Variants in TNFRSF10B observed in about 807,000 individuals in gnomAD.
The protein encoded by TNFRSF10B is tumor necrosis factor receptor superfamily member 10B.
A neutral mutation model predicts 41.4 loss-of-function variants in TNFRSF10B; 35 were observed. That is an observed-to-expected ratio of 0.85 (90% CI 0.65 to 1.12). The LOEUF is 1.12. TNFRSF10B is among the 50% of genes most tolerant of loss of function. The probability of loss-of-function intolerance (pLI) is 0.00; values close to 1 mark genes in which losing one functional copy is unlikely to be tolerated. For synonymous variants in TNFRSF10B, 230 were observed against 215.5 expected, an observed-to-expected ratio of 1.07 and a Z score of -0.59; for missense variants, 584 against 552.7, an observed-to-expected ratio of 1.06 and a Z score of -0.57.
At position 23,028,275 on chromosome 8, in the gene TNFRSF10B, GT is replaced by G. The variant is rs536823184; in HGVS notation, c.748+55del. 6.5e-4 allele frequency: 1,052 copies of G among 1,611,148 alleles called. 6 individuals are homozygous for G. In the African/African-American group the frequency reaches 0.012, roughly 19 times the overall value. ...AGGCGTTTCTGTCTGTGGGAATAGG[GT>G]GGGAGGGGGCAGGGCAGAGAGTGCC... On this transcript the variant is annotated intron_variant, in intron 5 of 8. Coordinates refer to ENST00000276431, the MANE Select transcript of TNFRSF10B (RefSeq NM_003842.5).
intron 1 of TNFRSF10B, among the ~76,000 whole-genome samples, chr8:23,045,987 C>T (rs531464038): frequency 6.6e-6 from 1 of 152,318 alleles, no homozygotes; most frequent in South Asian, 2.1e-4. Context: ...TCATACTCAG[C>T]AGTGAAAAGC....
chr8:23,038,922 A>G (rs1056909326), intron 2 of TNFRSF10B, among the ~76,000 whole-genome samples: 4 of 152,110 alleles, frequency 2.6e-5, no homozygotes, highest in African/African-American at 4.8e-5. Flanking sequence ...TGATTCAAGC[A>G]TGTTACATTT....
At position 23,022,784 on chromosome 8, in the gene TNFRSF10B, C is replaced by G; in HGVS notation, c.1210G>C (p.Asp404His). The G allele has an allele frequency of 6.2e-7, 1 of 1,613,996 alleles. No individual in the cohort carries two copies. Among genetic ancestry groups the G allele is most frequent in the Non-Finnish European group, 8.5e-7 (1 of 1,179,952 alleles). Reference sequence around the variant, plus strand: ...CTCTCTCCCAGCGTCTCCAAGGCATCCAGCAGGGTGTGGACAGAGGCATCT... The same window carrying G: ...CTCTCTCCCAGCGTCTCCAAGGCATGCAGCAGGGTGTGGACAGAGGCATCT... ...GRDASVHTLLDALETLGERLA... is the reference protein window; with the variant it reads ...GRDASVHTLLHALETLGERLA... The change falls in exon 9 of 9, where the codon GAT (aspartate) becomes CAT (histidine). Residue 404 changes from aspartate to histidine, a missense_variant. Transcript: ENST00000276431.
intron 2 of TNFRSF10B, among the ~76,000 whole-genome samples, chr8:23,040,662 C>G (rs1255347372): frequency 6.6e-6 from 1 of 151,548 alleles, no homozygotes; most frequent in Admixed American, 6.6e-5. Context: ...TTGTCAATAA[C>G]TATGTTAATT....
At chr8:23,036,698 C>A (rs975187152) in intron 2 of TNFRSF10B, among the ~76,000 whole-genome samples, 1 of 152,158 alleles carries the variant, frequency 6.6e-6, no homozygotes, top group African/African-American at 2.4e-5. Context: ...TACAAAATTA[C>A]CGAGCATGGT....
chr8:23,068,558 G>A lies in TNFRSF10B; in HGVS notation c.144+193C>T, dbSNP rs1470113781. 5.0e-6 allele frequency: 4 copies of A among 802,866 alleles called. No individual in the cohort carries two copies. In the African/African-American group the frequency reaches 5.3e-5, roughly 11 times the overall value. The allele number at this position is 802,866 out of a possible 1,614,324, so 49.7% of individuals were successfully genotyped here. On this transcript the variant is annotated intron_variant, in intron 1 of 8. Transcript: ENST00000276431. ...AGTGGAGCGCGCGCTCTGTTCCCTG[G>A]CGGCCCAGGTCGCTCCTGCCCAACC...
chr8:23,062,087 G>A (rs1812846706), intron 1 of TNFRSF10B, among the ~76,000 whole-genome samples: 1 of 152,166 alleles, frequency 6.6e-6, no homozygotes, highest in South Asian at 2.1e-4. Flanking sequence ...GTTTTTGAAA[G>A]AGTTTGAGAA....
At chr8:23,041,058 TTTG>T (rs201300209) in intron 2 of TNFRSF10B, among the ~76,000 whole-genome samples, 15,143 of 76,486 alleles carry the variant, frequency 0.2, 948 homozygotes, top group African/African-American at 0.37. Flanking sequence ...TAATTTTTTT[TTTG>T]TTGTTTTTTT....
In TNFRSF10B at chr8:23,027,158, GACA is replaced by G. The variant is rs746680356; in HGVS notation, c.908_910del (p.Leu303del). 9.3e-6 allele frequency: 15 copies of G among 1,614,040 alleles called. No individual in the cohort carries two copies. Among genetic ancestry groups the G allele is most frequent in the Non-Finnish European group, 1.3e-5 (15 of 1,180,046 alleles). On this transcript the variant is annotated inframe_deletion, in exon 7 of 9. Coordinates refer to ENST00000276431, the MANE Select transcript of TNFRSF10B (RefSeq NM_003842.5). ...CAGCAGATGCTCTGACTCCCCGGGGGACAACATGTTGACACCTGTTGGCTCTGC... is the reference window on the plus strand; with the variant it reads ...CAGCAGATGCTCTGACTCCCCGGGGGACATGTTGACACCTGTTGGCTCTGC...
Position 23,022,446 on chromosome 8 carries a change from A to C in TNFRSF10B, c.*225T>G, listed in dbSNP as rs1476443362. 3.0e-6 allele frequency: 2 copies of C among 667,310 alleles called. No individual in the cohort carries two copies. Among genetic ancestry groups the C allele is most frequent in the East Asian group, 5.9e-5 (2 of 33,792 alleles). 41.3% of individuals were successfully genotyped at this position (667,310 alleles called of 1,614,324 possible). On this transcript the variant is annotated 3_prime_UTR_variant, in exon 9 of 9. Transcript: ENST00000276431. The stretch of plus-strand genomic sequence containing the variant: ...TACGCACAAACGGAATGATCCAGAC[A>C]TTTCCATAGTGTCCTTATTATCACA...
intron 3 of TNFRSF10B, among the ~76,000 whole-genome samples, chr8:23,030,476 C>A (rs1273484752): frequency 6.6e-6 from 1 of 151,930 alleles, no homozygotes; most frequent in African/African-American, 2.4e-5. Flanking sequence ...CCATGCCCGG[C>A]TAATGTTTAT....
chr8:23,037,259 G>T (rs1187009890), intron 2 of TNFRSF10B, among the ~76,000 whole-genome samples: 2 of 152,114 alleles, frequency 1.3e-5, no homozygotes, highest in Non-Finnish European at 2.9e-5. Flanking sequence ...TTATGTATGG[G>T]CTTAACAATA....
chr8:23,057,663 C>A (rs1812711044), intron 1 of TNFRSF10B, among the ~76,000 whole-genome samples: 1 of 151,564 alleles, frequency 6.6e-6, no homozygotes, highest in Admixed American at 6.6e-5. Flanking sequence ...AACTCCTGAC[C>A]TCAGGTGAAT....
At chr8:23,055,521 T>TTTAAAAAAAAAA (rs1554510887) in intron 1 of TNFRSF10B, among the ~76,000 whole-genome samples, 3 of 120,538 alleles carry the variant, frequency 2.5e-5, no homozygotes, top group African/African-American at 9.2e-5. Context: ...ATTAAATGCT[T>TTTAAAAAAAAAA]AAAAAAAAAA....
chr8:23,062,345 C>G (rs145800493), intron 1 of TNFRSF10B, among the ~76,000 whole-genome samples: 1 of 152,122 alleles, frequency 6.6e-6, no homozygotes, highest in Non-Finnish European at 1.5e-5. Context: ...CTCAGCCTCC[C>G]GAGTAACTGG....
intron 4 of TNFRSF10B, among the ~76,000 whole-genome samples, 191 bp downstream of exon 4, chr8:23,029,419 C>T (rs1015032148): frequency 6.6e-6 from 1 of 151,902 alleles, no homozygotes; most frequent in African/African-American, 2.4e-5. Flanking sequence ...CAAGGGGACT[C>T]GTGCTGGGGA....
rs1287344263 is a variant in TNFRSF10B, at chr8:23,028,378, G to A, written c.701C>T (p.Ser234Phe). 3.1e-6 allele frequency: 5 copies of A among 1,614,042 alleles called. No homozygotes were observed. Among genetic ancestry groups the A allele is most frequent in the Admixed American group, 3.3e-5 (2 of 59,992 alleles). ...VLIVAVFVCK[S>F]LLWKKVLPYL... ...AGGAAGGACTTTCTTCCACAGTAAA[G>A]ACTTGCAAACAAACACAGCCACAAT... Residue 234 changes from serine to phenylalanine, a missense_variant, in exon 5 of 9, where the codon TCT becomes TTT. Physicochemically the swap from Ser to Phe is radical, Grantham distance 155. Coordinates refer to ENST00000276431, the MANE Select transcript of TNFRSF10B (RefSeq NM_003842.5).
intron 2 of TNFRSF10B, among the ~76,000 whole-genome samples, chr8:23,033,537 G>A (rs548171884): frequency 8.2e-5 from 11 of 134,076 alleles, no homozygotes; most frequent in Non-Finnish European, 1.2e-4. Context: ...GCAGTGAGCC[G>A]AGATTACGCC....
intron 4 of TNFRSF10B, among the ~76,000 whole-genome samples, chr8:23,029,043 G>A (rs1455794738): frequency 3.3e-5 from 5 of 152,170 alleles, no homozygotes; most frequent in African/African-American, 1.2e-4. Flanking sequence ...GGCCAGAGAA[G>A]AGCAAATTAC....
Sources: allele counts gnomAD v4.1 joint callset (sites outside exome capture counted in the v4.1 genomes callset), GRCh38; gene constraint gnomAD v4.1.1; transcripts MANE v1.5; gene names NCBI Gene and HGNC (gene_info 2026-07-23, HGNC 2026-07-21).